Variants in PPM1L observed in about 807,000 individuals in gnomAD.
PPM1L encodes the protein protein phosphatase 1L.
In PPM1L, 13 loss-of-function variants were observed where a neutral mutation model predicts 31.4. The ratio of observed to expected loss-of-function variants is 0.41; its 90% CI spans 0.27 to 0.66. PPM1L has a LOEUF of 0.66. PPM1L is among the 30% of genes least tolerant of loss of function. The pLI, the probability that PPM1L is intolerant of heterozygous loss-of-function variation, is 0.29. For synonymous variants in PPM1L, 184 were observed against 175.4 expected (o/e 1.05, Z -0.39); for missense variants, 326 against 453.7 (o/e 0.72, Z 2.56).
At chr3:160,933,668 T>C (rs1576723502) in intron 1 of PPM1L, among the ~76,000 whole-genome samples, 2 of 152,216 alleles carry the variant, frequency 1.3e-5, no homozygotes, top group Middle Eastern at 6.8e-3. Context: ...ACATTCTTTT[T>C]GTTGCCTTGA....
chr3:160,876,883 C>T (rs1297611632), intron 1 of PPM1L, among the ~76,000 whole-genome samples: 1 of 152,086 alleles, frequency 6.6e-6, no homozygotes, highest in African/African-American at 2.4e-5. Context: ...TAGCATGTGA[C>T]AAAAAGCATT....
At chr3:160,983,472 A>C (rs1044183705) in intron 2 of PPM1L, among the ~76,000 whole-genome samples, 7 of 152,198 alleles carry the variant, frequency 4.6e-5, no homozygotes, top group Admixed American at 2.0e-4. Flanking sequence ...TGAAAGCTTT[A>C]CAAAATGAAA....
chr3:160,839,732 G>T (rs1049544780), intron 1 of PPM1L, among the ~76,000 whole-genome samples: 2 of 152,138 alleles, frequency 1.3e-5, no homozygotes, highest in East Asian at 3.8e-4. Flanking sequence ...TGTGACTGTG[G>T]TCAGTGAACC....
rs538819485 is a variant in PPM1L at position 161,075,672 on chromosome 3, G to A, written c.*6515G>A. The A allele has an allele frequency of 6.6e-6, 1 of 152,268 alleles. No individual in the cohort carries two copies. Among genetic ancestry groups the A allele is most frequent in the South Asian group, 2.1e-4 (1 of 4,824 alleles). The allele number at this position is 152,268 out of a possible 1,614,324, so 9.4% of individuals were successfully genotyped here. A position where few individuals can be genotyped will look rare whatever the true frequency, so the allele number is the denominator to read the frequency against. ...AGAAAATACAGAAGCCCAAATCAAG[G>A]GAGAGTAATATAAAAGGAAATATTT... is the stretch of plus-strand genomic sequence containing the variant. On this transcript the variant is annotated 3_prime_UTR_variant, in exon 4 of 4. Coordinates refer to ENST00000498165, the MANE Select transcript of PPM1L (RefSeq NM_139245.4).
chr3:161,003,112 TTGTTTTTC>T (rs1433553039), intron 2 of PPM1L, among the ~76,000 whole-genome samples: 5 of 151,786 alleles, frequency 3.3e-5, no homozygotes. Context: ...TCCCCATTGC[TTGTTTTTC>T]TCAGGTTTGT....
At chr3:161,041,643 G>A (rs901189845) in intron 2 of PPM1L, among the ~76,000 whole-genome samples, 2 of 152,178 alleles carry the variant, frequency 1.3e-5, no homozygotes, top group Non-Finnish European at 2.9e-5. Context: ...AGCTACTCGG[G>A]AGGCTGAGGC....
At chr3:160,999,835 T>C (rs910340624) in intron 2 of PPM1L, among the ~76,000 whole-genome samples, 3 of 152,248 alleles carry the variant, frequency 2.0e-5, no homozygotes, top group Non-Finnish European at 4.4e-5. Context: ...TCACCAGAAG[T>C]GTCCTCAGAA....
intron 2 of PPM1L, among the ~76,000 whole-genome samples, chr3:161,049,293 CCAAAA>C (rs1161488648): frequency 1.6e-4 from 24 of 151,394 alleles, no homozygotes; most frequent in African/African-American, 5.6e-4. Flanking sequence ...AAAAACCAAA[CCAAAA>C]CAAAACAAAA....
intron 2 of PPM1L, among the ~76,000 whole-genome samples, chr3:160,963,457 C>T (rs1348184258): frequency 6.6e-6 from 1 of 152,026 alleles, no homozygotes; most frequent in African/African-American, 2.4e-5. Flanking sequence ...AGGACTAAAA[C>T]ATACATGTAT....
Position 161,069,019 on chromosome 3 carries a change from A to G in PPM1L, c.945A>G (p.Arg315=), listed in dbSNP as rs766339426. The change falls in exon 4 of 4, where the codon CGA becomes CGG. Residue 315 remains arginine (R), a synonymous_variant. Transcript: ENST00000498165. The part of the protein sequence containing the change: ...WDAFSNEEAV[R]FIKERLDEPH... ...CTTTCAGCAATGAAGAAGCAGTTCG[A>G]TTCATCAAGGAGCGCTTGGATGAAC... The G allele has an allele frequency of 4.8e-5, 77 of 1,614,068 alleles. 1 individual carries two copies. The Admixed American group carries it at 7.0e-4, about 15-fold the overall frequency.
intron 2 of PPM1L, among the ~76,000 whole-genome samples, chr3:161,002,408 G>C (rs1022647902): frequency 2.0e-5 from 3 of 152,116 alleles, no homozygotes; most frequent in Admixed American, 2.0e-4. Context: ...CTGAGGAATT[G>C]CCACACTGTC....
rs1320157440 is a variant in PPM1L at position 160,868,906 on chromosome 3, C to T, written c.400-92830C>T. 2.0e-5 allele frequency among the ~76,000 whole-genome samples: 3 copies of T among 152,104 alleles called. No individual in the cohort carries two copies. The East Asian group carries it at 5.8e-4, about 29-fold the overall frequency. The stretch of plus-strand genomic sequence containing the variant: ...ATTGTTGATTCATGGAACGTGATGC[C>T]TCTGACATTAAGGGTAATAGTTATT... On this transcript the variant is annotated intron_variant, in intron 1 of 3. Transcript: ENST00000498165.
At chr3:160,999,261 C>T (rs1374150342) in intron 2 of PPM1L, among the ~76,000 whole-genome samples, 1 of 152,128 alleles carries the variant, frequency 6.6e-6, no homozygotes, top group Middle Eastern at 3.2e-3. Flanking sequence ...CTCAAGGACA[C>T]AGTACTTGAA....
intron 2 of PPM1L, among the ~76,000 whole-genome samples, chr3:161,002,803 A>T (rs1297642741): frequency 7.2e-6 from 1 of 138,836 alleles, no homozygotes; most frequent in Non-Finnish European, 1.5e-5. Flanking sequence ...GTTCACTCTG[A>T]TGGTAGTTTC....
intron 1 of PPM1L, among the ~76,000 whole-genome samples, chr3:160,859,311 A>G (rs1204686456): frequency 6.6e-6 from 1 of 152,214 alleles, no homozygotes; most frequent in African/African-American, 2.4e-5. Flanking sequence ...TGCAAATGAT[A>G]GGATCCAGGC....
chr3:160,943,474 A>G (rs1426493584), intron 1 of PPM1L, among the ~76,000 whole-genome samples: 1 of 152,168 alleles, frequency 6.6e-6, no homozygotes, highest in Non-Finnish European at 1.5e-5. Context: ...TTTAGCTATC[A>G]TTTACAGAAG....
chr3:160,907,520 C>T (rs190433115), intron 1 of PPM1L, among the ~76,000 whole-genome samples: 2 of 152,076 alleles, frequency 1.3e-5, no homozygotes, highest in Non-Finnish European at 2.9e-5. Context: ...CTGTGTACTT[C>T]TTCATTTCTC....
intron 2 of PPM1L, among the ~76,000 whole-genome samples, chr3:161,013,400 A>C (rs953225778): frequency 2.0e-5 from 3 of 152,124 alleles, no homozygotes; most frequent in Non-Finnish European, 4.4e-5. Context: ...AGTTTGTTAT[A>C]ATTTCTGTTC....
chr3:160,891,253 T>A (rs548086259), intron 1 of PPM1L, among the ~76,000 whole-genome samples: 30 of 151,982 alleles, frequency 2.0e-4, no homozygotes, highest in African/African-American at 6.8e-4. Context: ...ATCCAAAATT[T>A]ACAAGGAGCT....
Sources: allele counts gnomAD v4.1 joint callset (sites outside exome capture counted in the v4.1 genomes callset), GRCh38; gene constraint gnomAD v4.1.1; transcripts MANE v1.5; gene names NCBI Gene and HGNC (gene_info 2026-07-23, HGNC 2026-07-21).